PMEPA1: variants seen among roughly 807,000 people sequenced by gnomAD.
The protein encoded by PMEPA1 is protein TMEPAI.
PMEPA1 carries 11 observed loss-of-function variants against 23.0 expected under a neutral mutation model. The ratio of observed to expected loss-of-function variants is 0.48; its 90% CI spans 0.30 to 0.79. PMEPA1 has a LOEUF of 0.79. Among genes scored for constraint, PMEPA1 ranks in the 30% least tolerant of loss-of-function variants. The pLI is 0.06. For missense variants in PMEPA1, 377 were observed against 390.9 expected (o/e 0.96, Z 0.30); for synonymous variants, 204 against 166.4 (o/e 1.23, Z -1.74).
At chr20:57,662,004 T>C (rs368788) in intron 1 of PMEPA1, among the ~76,000 whole-genome samples, 3,851 of 52,334 alleles carry the variant, frequency 0.074, 151 homozygotes, top group African/African-American at 0.28. Flanking sequence ...GGGCTCAGCG[T>C]GCCACTGTCT....
At chr20:57,702,247 G>A (rs1346945535) in intron 1 of PMEPA1, among the ~76,000 whole-genome samples, 1 of 152,220 alleles carries the variant, frequency 6.6e-6, no homozygotes, top group Non-Finnish European at 1.5e-5. Flanking sequence ...TGCGGAGGCT[G>A]TGTCTAGTGA....
chr20:57,695,603 G>C (rs1410809270), intron 1 of PMEPA1, among the ~76,000 whole-genome samples: 2 of 152,204 alleles, frequency 1.3e-5, no homozygotes, highest in Non-Finnish European at 2.9e-5. Flanking sequence ...GACCAGTCTG[G>C]CCAACATGGT....
chr20:57,656,864 G>A lies in PMEPA1; in HGVS notation c.264+2679C>T, dbSNP rs1347087299. ...GATGGGCTGGGGGGATGTAGACTGG[G>A]CCCGGGACAGATAAGAGCTGTATGT... On this transcript the variant is annotated intron_variant, in intron 2 of 3. Coordinates refer to ENST00000341744, the MANE Select transcript of PMEPA1 (RefSeq NM_020182.5). This position sits in a 1 kb window ranked among gnomAD's most constrained non-coding sequence, Gnocchi z 4.7. 2.0e-5 allele frequency among the ~76,000 whole-genome samples: 3 copies of A among 152,198 alleles called. No homozygotes were observed. Among genetic ancestry groups the A allele is most frequent in the Non-Finnish European group, 4.4e-5 (3 of 68,022 alleles).
intron 1 of PMEPA1, among the ~76,000 whole-genome samples, chr20:57,666,927 AAT>A (rs2071501213): frequency 6.6e-6 from 1 of 152,258 alleles, no homozygotes; most frequent in Non-Finnish European, 1.5e-5. Flanking sequence ...CGGGCCTGGA[AAT>A]AGTTTCCAAA....
intron 1 of PMEPA1, among the ~76,000 whole-genome samples, chr20:57,693,019 C>T (rs550328276): frequency 6.6e-6 from 1 of 152,320 alleles, no homozygotes; most frequent in Admixed American, 6.5e-5. Flanking sequence ...GGAAACGTGG[C>T]AAAACTCAGC....
At chr20:57,692,799 GT>G (rs2071899709) in intron 1 of PMEPA1, among the ~76,000 whole-genome samples, 1 of 152,250 alleles carries the variant, frequency 6.6e-6, no homozygotes, top group African/African-American at 2.4e-5. Flanking sequence ...GCCAGGCTAA[GT>G]GGGAGGGTTC....
chr20:57,709,899 T>C lies in PMEPA1; in HGVS notation c.-317A>G. 2 of 1,005,790 alleles carry C rather than the reference T, an allele frequency of 2.0e-6. No individual in the cohort carries two copies. The highest frequency in any genetic ancestry group is 2.4e-6 in the Non-Finnish European group (2 of 847,082). The allele number at this position is 1,005,790 out of a possible 1,614,324, so 62.3% of individuals were successfully genotyped here. A position where few individuals can be genotyped will look rare whatever the true frequency, so the allele number is the denominator to read the frequency against. ...CGGGGCTGAGCCTCTGCCGCTAGCT[T>C]TCCCCAGCCGAGCGCCTCCGCCGCC... On this transcript the variant is annotated 5_prime_UTR_variant, in exon 1 of 4. Transcript: ENST00000341744.
Position 57,659,553 on chromosome 20 carries a change from G to A in PMEPA1, c.254C>T (p.Ala85Val). 2 of 1,613,848 alleles carry A rather than the reference G, an allele frequency of 1.2e-6. No individual in the cohort carries two copies. Among genetic ancestry groups the A allele is most frequent in the Non-Finnish European group, 1.7e-6 (2 of 1,179,922 alleles). Residue 85 changes from alanine to valine, a missense_variant, in exon 2 of 4, where the codon GCC (alanine) becomes GTC (valine). Ala to Val is a moderately conservative substitution (Grantham distance 64). Around this residue, in one of 3 missense-constraint regions of PMEPA1, gnomAD observed 198 missense variants for 196.3 expected, o/e 1.01. Transcript: ENST00000341744. ...RHSQGRRRED[A>V]LSSEGCLWPS... ...TGGCGGGGCACTTACTGAGGACAGG[G>A]CATCTTCTCTCCTCCGCCCCTGGCT...
At chr20:57,703,991 C>T (rs758456702) in intron 1 of PMEPA1, among the ~76,000 whole-genome samples, 4 of 152,306 alleles carry the variant, frequency 2.6e-5, no homozygotes, top group Middle Eastern at 3.4e-3. Flanking sequence ...CAAGTTTTGA[C>T]GCCTCCATCC....
At chr20:57,659,496 C>T (rs765478398) in intron 2 of PMEPA1, 47 bp downstream of exon 2, 32 of 1,591,442 alleles carry the variant, frequency 2.0e-5, no homozygotes, top group Non-Finnish European at 2.7e-5. Context: ...CAAGGGGCGT[C>T]CCACTGCCGC....
intron 1 of PMEPA1, among the ~76,000 whole-genome samples, chr20:57,673,881 TG>T (rs914181027): frequency 2.6e-5 from 4 of 152,218 alleles, no homozygotes; most frequent in African/African-American, 9.6e-5. Flanking sequence ...CTCCCCTCTC[TG>T]GGCTTGTTTT....
chr20:57,658,609 G>T (rs1393784951), intron 2 of PMEPA1, among the ~76,000 whole-genome samples: 1 of 152,184 alleles, frequency 6.6e-6, no homozygotes, highest in African/African-American at 2.4e-5. Flanking sequence ...TCTCTGGGGA[G>T]GTGGATGTGA....
At chr20:57,662,882 A>G (rs1440579517) in intron 1 of PMEPA1, among the ~76,000 whole-genome samples, 1 of 152,172 alleles carries the variant, frequency 6.6e-6, no homozygotes, top group Non-Finnish European at 1.5e-5. Context: ...GGACCCAGAC[A>G]GCAGTGAGAC....
At chr20:57,694,107 A>C (rs1156346811) in intron 1 of PMEPA1, among the ~76,000 whole-genome samples, 1 of 152,180 alleles carries the variant, frequency 6.6e-6, no homozygotes, top group Non-Finnish European at 1.5e-5. Flanking sequence ...CCTTGATCTC[A>C]TTAGAATCGA....
chr20:57,695,810 A>G (rs944458814), intron 1 of PMEPA1, among the ~76,000 whole-genome samples: 7 of 152,092 alleles, frequency 4.6e-5, no homozygotes, highest in Non-Finnish European at 1.0e-4. Context: ...ACTCTGCCAC[A>G]CCCTGGAATT....
chr20:57,675,009 G>A (rs911335284), intron 1 of PMEPA1, among the ~76,000 whole-genome samples: 3 of 152,196 alleles, frequency 2.0e-5, no homozygotes, highest in Non-Finnish European at 2.9e-5. Context: ...GTGAGCTCCT[G>A]CTGTGTTTCA....
intron 1 of PMEPA1, among the ~76,000 whole-genome samples, chr20:57,707,186 C>A (rs1462838799): frequency 6.6e-6 from 1 of 152,212 alleles, no homozygotes; most frequent in Non-Finnish European, 1.5e-5. Flanking sequence ...AAAACAGCAG[C>A]CACTACTAGT....
chr20:57,676,611 C>T (rs2071639908), intron 1 of PMEPA1, among the ~76,000 whole-genome samples: 1 of 152,212 alleles, frequency 6.6e-6, no homozygotes, highest in African/African-American at 2.4e-5. Flanking sequence ...AGAAGACAGA[C>T]CTAGATGGGA....
intron 1 of PMEPA1, among the ~76,000 whole-genome samples, chr20:57,688,440 G>A (rs1350383715): frequency 6.6e-6 from 1 of 152,086 alleles, no homozygotes; most frequent in East Asian, 1.9e-4. Flanking sequence ...CTTCCTCCAT[G>A]CCCCAGGTTG....
Sources: allele counts gnomAD v4.1 joint callset (sites outside exome capture counted in the v4.1 genomes callset), GRCh38; gene constraint gnomAD v4.1.1; regional missense constraint gnomAD v4.1.1; non-coding constraint Gnocchi (gnomAD v3.1); transcripts MANE v1.5; gene names NCBI Gene and HGNC (gene_info 2026-07-23, HGNC 2026-07-21).